ANKDD1B: variants seen among roughly 807,000 people sequenced by gnomAD.
ANKDD1B encodes the protein ankyrin repeat and death domain-containing protein 1B.
ANKDD1B carries 57 observed loss-of-function variants against 59.7 expected under a neutral mutation model. The ratio of observed to expected loss-of-function variants is 0.95; its 90% confidence interval spans 0.77 to 1.19. The LOEUF is 1.19. Ranked by LOEUF, ANKDD1B falls within the 50% of genes most tolerant of loss-of-function variation. ANKDD1B has a pLI of 0.00. For missense variants in ANKDD1B, 602 were observed against 641.9 expected (o/e 0.94, Z 0.67); for synonymous variants, 216 against 239.5 (o/e 0.90, Z 0.91).
intron 7 of ANKDD1B, among the ~76,000 whole-genome samples, chr5:75,637,968 C>T (rs755605313): frequency 4.6e-5 from 7 of 152,278 alleles, no homozygotes; most frequent in East Asian, 1.9e-4. Context: ...GCTCAAACAA[C>T]GACAATTATA....
chr5:75,622,377 G>T (rs906504778), intron 3 of ANKDD1B, among the ~76,000 whole-genome samples: 1 of 152,192 alleles, frequency 6.6e-6, no homozygotes, highest in Non-Finnish European at 1.5e-5. Flanking sequence ...GGAAGCACTG[G>T]TATGAAATAG....
chr5:75,650,677 T>C (rs1330174645), intron 7 of ANKDD1B, among the ~76,000 whole-genome samples: 2 of 152,202 alleles, frequency 1.3e-5, no homozygotes, highest in African/African-American at 4.8e-5. Flanking sequence ...TTTAGCATCA[T>C]GCAAGCTAGA....
chr5:75,639,433 G>T (rs1581141933), intron 7 of ANKDD1B, among the ~76,000 whole-genome samples: 1 of 152,178 alleles, frequency 6.6e-6, no homozygotes, highest in Non-Finnish European at 1.5e-5. Flanking sequence ...CTGACCTGAG[G>T]TGATCCACCC....
At chr5:75,656,544 A>T (rs1170095504) in intron 9 of ANKDD1B, among the ~76,000 whole-genome samples, 3 of 152,232 alleles carry the variant, frequency 2.0e-5, no homozygotes, top group Non-Finnish European at 1.5e-5. Context: ...CTCTTTACCT[A>T]AAGGCAAAAG....
chr5:75,656,263 C>T, intron 9 of ANKDD1B, 136 bp downstream of exon 9: 1 of 506,390 alleles, frequency 2.0e-6, no homozygotes, highest in Admixed American at 3.7e-5. Flanking sequence ...TTATCCTTTT[C>T]CTTCTGTAAC....
intron 12 of ANKDD1B, among the ~76,000 whole-genome samples, chr5:75,669,027 C>A (rs1775394660): frequency 6.6e-6 from 1 of 152,202 alleles, no homozygotes; most frequent in African/African-American, 2.4e-5. Context: ...CTCTTGTACA[C>A]TCCTTTGGGT....
chr5:75,642,819 A>AAG (rs1774518497), intron 7 of ANKDD1B, among the ~76,000 whole-genome samples: 1 of 38,700 alleles, frequency 2.6e-5, no homozygotes, highest in Non-Finnish European at 4.8e-5. Context: ...AAAAGACAGC[A>AAG]GTAACCTCTG....
intron 5 of ANKDD1B, 184 bp from the exon 6 acceptor site, chr5:75,634,714 C>T (rs1774252970): frequency 1.9e-6 from 1 of 530,168 alleles, no homozygotes; most frequent in African/African-American, 1.9e-5. Context: ...GTGGAGTCTC[C>T]CACAGTTTTG....
intron 7 of ANKDD1B, among the ~76,000 whole-genome samples, chr5:75,647,744 A>C (rs2111978754): frequency 7.6e-6 from 1 of 132,004 alleles, no homozygotes. Context: ...CAGCCATCCC[A>C]ATACTGGGTA....
rs925694326 is a variant in ANKDD1B, at chr5:75,663,413, C to CTG, written c.1118_1119dup (p.Ala374TrpfsTer40). 1.3e-6 allele frequency: 2 copies of CTG among 1,536,072 alleles called. No individual in the cohort carries two copies. The highest frequency in any genetic ancestry group is 2.7e-5 in the African/African-American group (2 of 73,034). ...TTTTAGCAAGGAAAGACTGCCCTGG[C>CTG]TGTGGCCTCCAGGAGCAACCATAGC... On this transcript the variant is annotated frameshift_variant, in exon 11 of 14. Transcript: ENST00000601380. LOFTEE classifies it high-confidence loss of function.
chr5:75,628,129 C>G (rs1465496931), intron 5 of ANKDD1B, among the ~76,000 whole-genome samples: 1 of 152,018 alleles, frequency 6.6e-6, no homozygotes, highest in African/African-American at 2.4e-5. Context: ...ATAGAAAACA[C>G]AGAAAAAATC....
At chr5:75,647,494 T>A (rs1442571673) in intron 7 of ANKDD1B, among the ~76,000 whole-genome samples, 1 of 124,858 alleles carries the variant, frequency 8.0e-6, no homozygotes, top group Non-Finnish European at 1.6e-5. Context: ...AAAAAACACA[T>A]GAAAAAATGC....
intron 12 of ANKDD1B, among the ~76,000 whole-genome samples, chr5:75,667,705 A>G (rs1775348474): frequency 6.6e-6 from 1 of 152,182 alleles, no homozygotes; most frequent in Non-Finnish European, 1.5e-5. Flanking sequence ...TAATCAACTA[A>G]TTAGCTTTGA....
At chr5:75,613,432 A>G (rs1409638413) in intron 1 of ANKDD1B, among the ~76,000 whole-genome samples, 1 of 152,216 alleles carries the variant, frequency 6.6e-6, no homozygotes, top group Non-Finnish European at 1.5e-5. Context: ...TGGGATCCAG[A>G]GCCCAAGTGT....
In ANKDD1B at chr5:75,643,310, G is replaced by A. The variant is rs1363552104; in HGVS notation, c.798+7428G>A. ...GATCAAATTACTCTGAGCTACGGGA[G>A]GACATTCAAACCAAAGGCAAAGAAG... On this transcript the variant is annotated intron_variant, in intron 7 of 13. Transcript: ENST00000601380. 6.2e-4 allele frequency among the ~76,000 whole-genome samples: 24 copies of A among 38,968 alleles called. No homozygotes were observed. The African/African-American group carries it at 6.9e-3, about 11-fold the overall frequency. The allele number at this position is 38,968 out of a possible 152,430, so 25.6% of individuals were successfully genotyped here.
chr5:75,669,082 C>G lies in ANKDD1B; in HGVS notation c.1394-170C>G, dbSNP rs552871572. ...TGCATAGCACAGGCTGGAGGGAAAG[C>G]AAATGCTGGTCATCATAAAGCAGCA... On this transcript the variant is annotated intron_variant, in intron 12 of 13. Coordinates refer to ENST00000601380, the MANE Select transcript of ANKDD1B (RefSeq NM_001276713.2). 7.9e-5 allele frequency among the ~76,000 whole-genome samples: 12 copies of G among 152,230 alleles called. No homozygotes were observed. In the East Asian group the frequency reaches 9.7e-4, roughly 12 times the overall value.
intron 12 of ANKDD1B, 81 bp from the exon 13 acceptor site, chr5:75,669,171 A>T: frequency 8.3e-7 from 1 of 1,208,780 alleles, no homozygotes; most frequent in Non-Finnish European, 1.0e-6. Context: ...TCATTCAGAA[A>T]GTTTAGTTGG....
chr5:75,627,636 A>T (rs748086481), intron 5 of ANKDD1B, among the ~76,000 whole-genome samples: 1 of 152,220 alleles, frequency 6.6e-6, no homozygotes, highest in African/African-American at 2.4e-5. Context: ...AATTTTATCC[A>T]TGCCAAATAG....
intron 1 of ANKDD1B, among the ~76,000 whole-genome samples, chr5:75,616,341 T>C (rs906808514): frequency 6.6e-5 from 10 of 152,218 alleles, no homozygotes; most frequent in Non-Finnish European, 5.9e-5. Context: ...TGTGTCTGTA[T>C]GTATGATGGG....
Sources: allele counts gnomAD v4.1 joint callset (sites outside exome capture counted in the v4.1 genomes callset), GRCh38; gene constraint gnomAD v4.1.1; transcripts MANE v1.5; gene names NCBI Gene and HGNC (gene_info 2026-07-23, HGNC 2026-07-21).